ATP13A4: variants seen among roughly 807,000 people sequenced by gnomAD.
The protein encoded by ATP13A4 is probable cation-transporting ATPase 13A4.
ATP13A4 carries 114 observed loss-of-function variants against 142.5 expected under a neutral mutation model. The observed-to-expected ratio is 0.80, with a 90% confidence interval of 0.69 to 0.93. The LOEUF is 0.93. Ranked by LOEUF, ATP13A4 falls within the 40% of genes least tolerant of loss-of-function variation. ATP13A4 has a pLI of 0.00. For missense variants in ATP13A4, 1,392 were observed against 1,454.0 expected, an observed-to-expected ratio of 0.96 and a Z score of 0.69; for synonymous variants, 488 against 514.8, an observed-to-expected ratio of 0.95 and a Z score of 0.70.
Position 193,514,822 on chromosome 3 carries a change from G to A in ATP13A4, c.110C>T (p.Ala37Val), listed in dbSNP as rs1475233841. The A allele has an allele frequency of 6.2e-7, 1 of 1,614,214 alleles. No individual in the cohort carries two copies. The highest frequency in any genetic ancestry group is 8.5e-7 in the Non-Finnish European group (1 of 1,180,034). The part of the protein sequence containing the change: ...TQGCRKSLCL[A>V]GSIFSFGILP... ...GATTCCAAATGAGAAGATGGATCCG[G>A]CAAGGCAGAGACTTTTCCGGCAGCC... Residue 37 changes from alanine to valine, a missense_variant, in exon 2 of 30, where the codon GCC (alanine) becomes GTC (valine). By Grantham distance (64) the Ala-to-Val change is moderately conservative. Transcript: ENST00000342695.
chr3:193,439,191 A>G, intron 21 of ATP13A4, 126 bp from the exon 22 acceptor site: 1 of 1,024,160 alleles, frequency 9.8e-7, no homozygotes, highest in Non-Finnish European at 1.5e-6. Flanking sequence ...TTTTCCTAAG[A>G]GTCTAGTTTG....
chr3:193,415,189 A>C (rs1407115759), intron 25 of ATP13A4, among the ~76,000 whole-genome samples: 1 of 152,220 alleles, frequency 6.6e-6, no homozygotes, highest in Non-Finnish European at 1.5e-5. Flanking sequence ...AAAAATATTC[A>C]TTATGGCATC....
chr3:193,531,715 A>G (rs1460313722), intron 1 of ATP13A4, among the ~76,000 whole-genome samples: 1 of 152,220 alleles, frequency 6.6e-6, no homozygotes, highest in African/African-American at 2.4e-5. Context: ...GAGGGGTTGC[A>G]TGGATGTACA....
intron 2 of ATP13A4, among the ~76,000 whole-genome samples, chr3:193,569,071 T>C (rs1186960085): frequency 1.3e-5 from 2 of 152,136 alleles, no homozygotes; most frequent in Non-Finnish European, 2.9e-5. Context: ...AAGAGAAGCT[T>C]TACAGTGGAG....
intron 1 of ATP13A4, among the ~76,000 whole-genome samples, chr3:193,515,735 A>G (rs1236232430): frequency 6.6e-6 from 1 of 152,214 alleles, no homozygotes; most frequent in Non-Finnish European, 1.5e-5. Flanking sequence ...GATAGAATAG[A>G]AAACCATCCC....
In ATP13A4 at chr3:193,517,105, C is replaced by T. The variant is rs80253907; in HGVS notation, c.61-2234G>A. 5.5e-3 allele frequency among the ~76,000 whole-genome samples: 839 copies of T among 152,334 alleles called. 15 individuals carry two copies. The East Asian group carries it at 0.07, about 13-fold the overall frequency. ...ACTAACTCAAAACTGGGCCTCCAGT[C>T]TAGACCTCTGCAGCACATGGAAGAT... is the stretch of plus-strand genomic sequence containing the variant. On this transcript the variant is annotated intron_variant, in intron 1 of 29. Transcript: ENST00000342695.
chr3:193,579,545 A>C (rs28650108), intron 2 of ATP13A4: 1 of 151,872 alleles, frequency 6.6e-6, no homozygotes, highest in African/African-American at 2.4e-5. Flanking sequence ...TTGGTGGCAG[A>C]GTTAGGCAGT....
chr3:193,460,134 T>C (rs1717869975), intron 13 of ATP13A4, among the ~76,000 whole-genome samples: 1 of 152,148 alleles, frequency 6.6e-6, no homozygotes, highest in Non-Finnish European at 1.5e-5. Flanking sequence ...CATGCCAACT[T>C]CTTTCAAACT....
intron 13 of ATP13A4, among the ~76,000 whole-genome samples, chr3:193,460,853 A>G (rs547369631): frequency 6.6e-6 from 1 of 152,318 alleles, no homozygotes; most frequent in Admixed American, 6.5e-5. Flanking sequence ...AATCCCTGAT[A>G]GCCTTTAATA....
chr3:193,576,287 C>T (rs544718273), intron 2 of ATP13A4, among the ~76,000 whole-genome samples: 11 of 77,196 alleles, frequency 1.4e-4, no homozygotes, highest in African/African-American at 2.9e-4. Flanking sequence ...TTTTTTGAGA[C>T]GGAGTCTCGC....
intron 2 of ATP13A4, among the ~76,000 whole-genome samples, chr3:193,580,919 G>A (rs1363617820): frequency 6.6e-6 from 1 of 152,172 alleles, no homozygotes; most frequent in East Asian, 1.9e-4. Context: ...AATGGTGTAT[G>A]GGTAATCGTT....
chr3:193,466,868 A>G (rs1718319465), intron 10 of ATP13A4, among the ~76,000 whole-genome samples: 1 of 152,226 alleles, frequency 6.6e-6, no homozygotes, highest in South Asian at 2.1e-4. Flanking sequence ...TTGGTATTTA[A>G]AATATATGGA....
chr3:193,579,129 C>T (rs1487351740), intron 2 of ATP13A4: 3 of 163,208 alleles, frequency 1.8e-5, no homozygotes, highest in Non-Finnish European at 4.1e-5. Context: ...TTGATAAAGT[C>T]TCTGTGGCCT....
Position 193,435,257 on chromosome 3 carries a change from C to CTT in ATP13A4, c.2769+389_2769+390dup, listed in dbSNP as rs11391745. Among the ~76,000 whole-genome samples the CTT allele has an allele frequency of 6.7e-3, 1,022 of 151,630 alleles. 15 individuals carry two copies. The highest frequency in any genetic ancestry group is 0.023 in the African/African-American group (967 of 41,292). On this transcript the variant is annotated intron_variant, in intron 24 of 29. Coordinates refer to ENST00000342695, the MANE Select transcript of ATP13A4 (RefSeq NM_032279.4). Reference sequence around the variant, plus strand: ...AATGGGCAAACATTAATAATCAGGTCTTTTTTTTCATGCTAAATGAAGCAT... The same window carrying CTT: ...AATGGGCAAACATTAATAATCAGGTCTTTTTTTTTTCATGCTAAATGAAGCAT...
chr3:193,491,785 A>G (rs1719959997), intron 5 of ATP13A4, among the ~76,000 whole-genome samples: 1 of 152,132 alleles, frequency 6.6e-6, no homozygotes, highest in Non-Finnish European at 1.5e-5. Context: ...AATTACTTTT[A>G]TTGATAAGGA....
Position 193,424,304 on chromosome 3 carries a change from A to T in ATP13A4, c.2842+9541T>A, listed in dbSNP as rs34669908. 9.3e-5 allele frequency among the ~76,000 whole-genome samples: 12 copies of T among 129,384 alleles called. 1 individual carries two copies. The highest frequency in any genetic ancestry group is 4.4e-4 in the Admixed American group (5 of 11,298). 84.9% of individuals were successfully genotyped at this position (129,384 alleles called of 152,430 possible). Reference sequence around the variant, plus strand: ...CCAATCTCTATCAAAACACCAAAGAAATTTTTCACAGAAATAGAAAAAAAA... The same window carrying T: ...CCAATCTCTATCAAAACACCAAAGATATTTTTCACAGAAATAGAAAAAAAA... On this transcript the variant is annotated intron_variant, in intron 25 of 29. Coordinates refer to ENST00000342695, the MANE Select transcript of ATP13A4 (RefSeq NM_032279.4).
chr3:193,442,120 G>T (rs1027086510), intron 19 of ATP13A4, among the ~76,000 whole-genome samples: 1 of 152,184 alleles, frequency 6.6e-6, no homozygotes, highest in Middle Eastern at 3.2e-3. Context: ...GGGAAAGGGA[G>T]AAAATAGATT....
At chr3:193,561,729 C>A (rs1197652266) in intron 2 of ATP13A4, among the ~76,000 whole-genome samples, 4 of 152,192 alleles carry the variant, frequency 2.6e-5, no homozygotes, top group Non-Finnish European at 5.9e-5. Context: ...GTCCATCAAC[C>A]CTGCCAAAGC....
chr3:193,399,692 C>CA lies in ATP13A4; in HGVS notation c.*2959dup, dbSNP rs1714201760. 6.6e-6 allele frequency among the ~76,000 whole-genome samples: 1 copy of CA among 151,740 alleles called. No homozygotes were observed. The highest frequency in any genetic ancestry group is 1.5e-5 in the Non-Finnish European group (1 of 67,902). ...TGAAACCCCATCTCTACTAAAAATA[C>CA]AAAAAATTAGCCGGGCATGGTGGCA... On this transcript the variant is annotated 3_prime_UTR_variant, in exon 30 of 30. Transcript: ENST00000342695.
Sources: gnomAD v4.1 joint callset for allele counts (sites outside exome capture counted in the v4.1 genomes callset) on GRCh38, gnomAD v4.1.1 for gene constraint, MANE v1.5 for transcripts, NCBI Gene and HGNC (gene_info 2026-07-23, HGNC 2026-07-21) for gene names.